TDRD9: variants seen among roughly 807,000 people sequenced by gnomAD.
TDRD9 encodes the protein tudor domain containing 9.
Under a neutral mutation model 172.6 loss-of-function variants are expected in TDRD9, and 124 were observed. The ratio of observed to expected loss-of-function variants is 0.72; its 90% CI spans 0.62 to 0.83. TDRD9 has a LOEUF of 0.83. Ranked by LOEUF, TDRD9 falls within the 40% of genes least tolerant of loss-of-function variation. The pLI is 0.00. For synonymous variants in TDRD9, 619 were observed against 617.1 expected (o/e 1.00, Z -0.05); for missense variants, 1,479 against 1,714.1 (o/e 0.86, Z 2.42).
intron 22 of TDRD9, among the ~76,000 whole-genome samples, chr14:104,016,315 C>T (rs914397796): frequency 2.6e-5 from 4 of 152,100 alleles, no homozygotes; most frequent in African/African-American, 4.8e-5. Flanking sequence ...ATAAGGAAGC[C>T]TTGAGAGTTT....
intron 9 of TDRD9, among the ~76,000 whole-genome samples, chr14:103,991,446 C>A (rs547863121): frequency 1.3e-5 from 2 of 151,652 alleles, no homozygotes; most frequent in African/African-American, 4.8e-5. Context: ...TGGAGTCTTG[C>A]TCTGTTGCTA....
intron 13 of TDRD9, among the ~76,000 whole-genome samples, chr14:104,003,738 C>G (rs2034338167): frequency 7.2e-6 from 1 of 139,190 alleles, no homozygotes; most frequent in Admixed American, 6.8e-5. Context: ...CTGCTTGTTC[C>G]TCACTCGGTC....
intron 1 of TDRD9, among the ~76,000 whole-genome samples, chr14:103,952,190 G>GTA (rs1566734586): frequency 0.055 from 3,042 of 55,128 alleles, 67 homozygotes; most frequent in Non-Finnish European, 0.062. Flanking sequence ...GCGTGTGTGT[G>GTA]TATATATATA....
intron 34 of TDRD9, among the ~76,000 whole-genome samples, chr14:104,044,238 C>T (rs1351555540): frequency 6.6e-6 from 1 of 152,146 alleles, no homozygotes; most frequent in Admixed American, 6.5e-5. Context: ...TTTTCCTTGG[C>T]GACTCCAAGA....
chr14:103,952,309 C>T (rs2031969704), intron 1 of TDRD9, among the ~76,000 whole-genome samples: 1 of 127,746 alleles, frequency 7.8e-6, no homozygotes, highest in African/African-American at 3.0e-5. Context: ...GGTGCGATCT[C>T]AGCTCACTGC....
At chr14:103,928,823 T>C in intron 1 of TDRD9, 99 bp downstream of exon 1, 1 of 339,294 alleles carries the variant, frequency 2.9e-6, no homozygotes, top group Non-Finnish European at 4.9e-6. Context: ...GCCCGTGCCC[T>C]CTCGCGGGGC....
chr14:103,960,296 GTGCTGA>G, intron 2 of TDRD9, among the ~76,000 whole-genome samples: 1 of 152,120 alleles, frequency 6.6e-6, no homozygotes, highest in Admixed American at 6.6e-5. Flanking sequence ...GAACCTCTAG[GTGCTGA>G]ACTTTTTGGT....
rs1011517690 is a variant in TDRD9, at chr14:104,010,510, T to A, written c.2106+2044T>A. Among the ~76,000 whole-genome samples the A allele has an allele frequency of 1.9e-4, 29 of 151,534 alleles. 1 individual carries two copies. On this transcript the variant is annotated intron_variant, in intron 20 of 35. Coordinates refer to ENST00000409874, the MANE Select transcript of TDRD9 (RefSeq NM_153046.3). ...CTTACAGTATAATAGTGCCTTCTCC[T>A]GGATACCTCCTGAAGGATACCTGCC...
At chr14:104,010,189 C>T (rs1175615547) in intron 20 of TDRD9, among the ~76,000 whole-genome samples, 1 of 152,128 alleles carries the variant, frequency 6.6e-6, no homozygotes, top group Non-Finnish European at 1.5e-5. Context: ...TTGTGATCTG[C>T]CTGCCTTGGC....
At chr14:103,992,854 G>A (rs2033919258) in intron 9 of TDRD9, among the ~76,000 whole-genome samples, 1 of 150,542 alleles carries the variant, frequency 6.6e-6, no homozygotes, top group South Asian at 2.1e-4. Context: ...GAACCTGGGA[G>A]GCGGAGCTTG....
chr14:103,991,144 A>G lies in TDRD9; in HGVS notation c.1116-16A>G. The G allele has an allele frequency of 6.2e-7, 1 of 1,613,966 alleles. No homozygotes were observed. Among genetic ancestry groups the G allele is most frequent in the Non-Finnish European group, 8.5e-7 (1 of 1,179,854 alleles). ...TTAGCCTTCATTAATATTTGTGCAC[A>G]TCACATTTTTAACAGGAACAAGGCT... On this transcript the variant is annotated splice_polypyrimidine_tract_variant and intron_variant, in intron 8 of 35. Coordinates refer to ENST00000409874, the MANE Select transcript of TDRD9 (RefSeq NM_153046.3).
At chr14:103,954,248 T>C (rs1225101131) in intron 1 of TDRD9, among the ~76,000 whole-genome samples, 1 of 152,240 alleles carries the variant, frequency 6.6e-6, no homozygotes, top group Non-Finnish European at 1.5e-5. Context: ...TTGTCCCCTG[T>C]TGGACATGTT....
Position 104,005,368 on chromosome 14 carries a change from T to G in TDRD9, c.1676T>G (p.Leu559Arg). ...GCCACTGCCCTTTCCCCGCCTGGTCTGAGTGACATTGAGCGCACCATCCTT... is the reference window on the plus strand; with the variant it reads ...GCCACTGCCCTTTCCCCGCCTGGTCGGAGTGACATTGAGCGCACCATCCTT... ...LLATALSPPG[L>R]SDIERTILLL... The change falls in exon 15 of 36, where the codon CTG (leucine) becomes CGG (arginine). Residue 559 changes from leucine (L) to arginine (R), a missense_variant. Transcript: ENST00000409874. The G allele has an allele frequency of 6.2e-7, 1 of 1,614,018 alleles. No individual in the cohort carries two copies. The highest frequency in any genetic ancestry group is 1.1e-5 in the South Asian group (1 of 91,086).
Position 103,997,199 on chromosome 14 carries a change from G to A in TDRD9, c.1378+1392G>A, listed in dbSNP as rs913435374. On this transcript the variant is annotated intron_variant, in intron 12 of 35. Coordinates refer to ENST00000409874, the MANE Select transcript of TDRD9 (RefSeq NM_153046.3). This position sits in a 1 kb window ranked among gnomAD's most constrained non-coding sequence, Gnocchi z 5.1. ...TTTCTCTGGGAATAGACTAGAATGAGGCAAAGGAGAGAAAAGGAAGAGACT... is the reference window on the plus strand; with the variant it reads ...TTTCTCTGGGAATAGACTAGAATGAAGCAAAGGAGAGAAAAGGAAGAGACT... Among the ~76,000 whole-genome samples the A allele has an allele frequency of 6.6e-6, 1 of 152,224 alleles. No homozygotes were observed. The highest frequency in any genetic ancestry group is 1.5e-5 in the Non-Finnish European group (1 of 68,046).
intron 33 of TDRD9, among the ~76,000 whole-genome samples, chr14:104,041,634 A>T (rs1484915013): frequency 6.6e-6 from 1 of 152,230 alleles, no homozygotes; most frequent in South Asian, 2.1e-4. Context: ...CTTCCATGAG[A>T]TAGCACCACC....
In TDRD9 at chr14:104,004,285, A is replaced by G; in HGVS notation, c.1531A>G (p.Lys511Glu). 6.2e-7 allele frequency: 1 copy of G among 1,606,116 alleles called. No individual in the cohort carries two copies. Among genetic ancestry groups the G allele is most frequent in the South Asian group, 1.1e-5 (1 of 89,746 alleles). The change falls in exon 14 of 36, where the codon AAG (lysine) becomes GAG (glutamate). Residue 511 changes from lysine (K) to glutamate (E), a missense_variant. Transcript: ENST00000409874. Reference protein sequence around the residue: ...SRGYCYRLVHKDFWDNSIPDH... With the variant: ...SRGYCYRLVHEDFWDNSIPDH... ...AGGGTACTGTTACCGGCTGGTACACAAGGATTTCTGGGACAACTCCATCCC... is the reference window on the plus strand; with the variant it reads ...AGGGTACTGTTACCGGCTGGTACACGAGGATTTCTGGGACAACTCCATCCC...
Position 104,052,238 on chromosome 14 carries a change from G to A in TDRD9, c.*156G>A. The A allele has an allele frequency of 2.0e-6, 1 of 498,824 alleles. No individual in the cohort carries two copies. Among genetic ancestry groups the A allele is most frequent in the Non-Finnish European group, 3.6e-6 (1 of 278,716 alleles). The allele number at this position is 498,824 out of a possible 1,614,324, so 30.9% of individuals were successfully genotyped here. A position where few individuals can be genotyped will look rare whatever the true frequency, so the allele number is the denominator to read the frequency against. ...TTTCTTTCTTCTTTTCTCTTTGGGT[G>A]ATAGTCAGAGAGTGGTGTTTTTGTT... On this transcript the variant is annotated 3_prime_UTR_variant, in exon 36 of 36. Transcript: ENST00000409874.
At chr14:103,944,352 G>T (rs2031442980) in intron 1 of TDRD9, among the ~76,000 whole-genome samples, 1 of 152,104 alleles carries the variant, frequency 6.6e-6, no homozygotes, top group Non-Finnish European at 1.5e-5. Flanking sequence ...CTTCTGAAAA[G>T]CTGCTTCTTT....
intron 1 of TDRD9, among the ~76,000 whole-genome samples, chr14:103,936,237 A>G (rs2030754905): frequency 6.6e-6 from 1 of 152,088 alleles, no homozygotes. Context: ...CCACAGGTGC[A>G]TGCTGCCATG....
Sources: allele counts gnomAD v4.1 joint callset (sites outside exome capture counted in the v4.1 genomes callset), GRCh38; gene constraint gnomAD v4.1.1; non-coding constraint Gnocchi (gnomAD v3.1); transcripts MANE v1.5; gene names NCBI Gene and HGNC (gene_info 2026-07-23, HGNC 2026-07-21).